The following PCF11 variants were observed in gnomAD, a reference collection of about 807,000 sequenced individuals.
PCF11 encodes pre-mRNA cleavage complex 2 protein Pcf11.
Under a neutral mutation model 166.1 loss-of-function variants are expected in PCF11, and 19 were observed. That is an observed-to-expected ratio of 0.11 (90% CI 0.08 to 0.17). The LOEUF is 0.17. PCF11 is among the 10% of genes least tolerant of loss of function. The pLI is 1.00. For synonymous variants in PCF11, 663 were observed against 644.1 expected, an observed-to-expected ratio of 1.03 and a Z score of -0.44; for missense variants, 1,565 against 1,855.5, an observed-to-expected ratio of 0.84 and a Z score of 2.88.
chr11:83,181,234 T>C, intron 12 of PCF11, 43 bp downstream of exon 12: 1 of 853,486 alleles, frequency 1.2e-6, no homozygotes, highest in Non-Finnish European at 1.7e-6. Flanking sequence ...TAGGCTTAAA[T>C]TATATCATTC....
chr11:83,185,834 T>C (rs1303554642), exon 16 of PCF11: 1 of 152,644 alleles, frequency 6.6e-6, no homozygotes, highest in African/African-American at 2.4e-5. Flanking sequence ...AGCTTTAGAA[T>C]GTGACTTTCT....
exon 16 of PCF11, chr11:83,187,045 T>G (rs990692981): frequency 1.3e-5 from 2 of 152,372 alleles, no homozygotes; most frequent in Non-Finnish European, 1.5e-5. Context: ...TTTTTTTTCT[T>G]TTTTTGAGAC....
At chr11:83,157,720 G>C in intron 1 of PCF11, 89 bp downstream of exon 1, 1 of 1,214,508 alleles carries the variant, frequency 8.2e-7, no homozygotes. Context: ...CCATCCCAAG[G>C]GGGACAGTGT....
chr11:83,164,264 C>T, exon 4 of PCF11: 1 of 1,613,732 alleles, frequency 6.2e-7, no homozygotes, highest in East Asian at 2.2e-5. Flanking sequence ...CTCCACTCCT[C>T]CAATTGTTCC....
chr11:83,165,634 A>T, exon 5 of PCF11: 1 of 1,612,384 alleles, frequency 6.2e-7, no homozygotes. Flanking sequence ...GAAACATCCA[A>T]TTTAGGTCCT....
exon 4 of PCF11, chr11:83,164,252 A>G (rs1314400929): frequency 5.6e-6 from 9 of 1,613,802 alleles, no homozygotes; most frequent in African/African-American, 1.3e-5. Context: ...TTCCCCTAGC[A>G]TCTCCACTCC....
At chr11:83,182,357 TG>T in intron 13 of PCF11, 41 bp from the exon 14 acceptor site, 1 of 991,752 alleles carries the variant, frequency 1.0e-6, no homozygotes, top group Non-Finnish European at 1.6e-6. Context: ...GGGTTAAATA[TG>T]GTCTATTATG....
chr11:83,177,720 G>A lies in PCF11; in HGVS notation c.3884G>A (p.Ser1295Asn), dbSNP rs1860934322. ...TGTCTCTTCTTAATTGAAGAAGTAA[G>A]TGAAGTAACTGCTCAGCCTCCCCCT... is the stretch of plus-strand genomic sequence containing the variant. The change falls in exon 11 of 16, where the codon AGT (serine) becomes AAT (asparagine). Residue 1295 changes from serine (S) to asparagine (N), a missense_variant. Ser to Asn is a conservative substitution (Grantham distance 46). Coordinates refer to ENST00000298281, the Ensembl canonical transcript of PCF11. The A allele has an allele frequency of 5.3e-6, 8 of 1,513,202 alleles. No individual in the cohort carries two copies. The highest frequency in any genetic ancestry group is 4.9e-5 in the East Asian group (2 of 40,626). The allele number at this position is 1,513,202 out of a possible 1,614,324, so 93.7% of individuals were successfully genotyped here. A position where few individuals can be genotyped will look rare whatever the true frequency, so the allele number is the denominator to read the frequency against.
chr11:83,176,641 A>G (rs1860891690), intron 9 of PCF11, among the ~76,000 whole-genome samples: 1 of 151,300 alleles, frequency 6.6e-6, no homozygotes, highest in Non-Finnish European at 1.5e-5. Context: ...AACAATGGGA[A>G]CACTTGGACA....
In PCF11 at chr11:83,186,825, A is replaced by G. The variant is rs1214943104; in HGVS notation, c.*1931A>G. 5 of 152,228 alleles carry G rather than the reference A, an allele frequency of 3.3e-5. No homozygotes were observed. In the East Asian group the frequency reaches 9.6e-4, roughly 29 times the overall value. The allele number at this position is 152,228 out of a possible 1,614,324, so 9.4% of individuals were successfully genotyped here. ...GGTCTGTGAATCCAAAAATGTAGGC[A>G]AAACTTCCTGTTGAACATTTTTCTG... On this transcript the variant is annotated 3_prime_UTR_variant, in exon 16 of 16. Coordinates refer to ENST00000298281, the Ensembl canonical transcript of PCF11.
chr11:83,174,777 G>C (rs1314269042), intron 9 of PCF11, among the ~76,000 whole-genome samples: 1 of 152,194 alleles, frequency 6.6e-6, no homozygotes. Flanking sequence ...AGTTTATGCT[G>C]TTGGTTACTA....
intron 1 of PCF11, among the ~76,000 whole-genome samples, chr11:83,159,524 A>G (rs1225910421): frequency 1.3e-5 from 2 of 152,240 alleles, no homozygotes; most frequent in Non-Finnish European, 2.9e-5. Flanking sequence ...TAGTGACCAC[A>G]TAAAACTTGT....
chr11:83,170,560 C>T (rs1458642787), intron 8 of PCF11, among the ~76,000 whole-genome samples: 1 of 152,128 alleles, frequency 6.6e-6, no homozygotes, highest in East Asian at 1.9e-4. Context: ...CTTCCAAATA[C>T]ACTCTGGTTA....
At chr11:83,176,446 T>G (rs910652446) in intron 9 of PCF11, among the ~76,000 whole-genome samples, 2 of 152,170 alleles carry the variant, frequency 1.3e-5, no homozygotes, top group Non-Finnish European at 2.9e-5. Flanking sequence ...CAAATGTCCA[T>G]CAATGATAGA....
chr11:83,179,294 G>A (rs1176928577), intron 11 of PCF11, among the ~76,000 whole-genome samples: 1 of 151,268 alleles, frequency 6.6e-6, no homozygotes, highest in Non-Finnish European at 1.5e-5. Context: ...CTGTCACCCA[G>A]GCTAGAGTGC....
chr11:83,169,979 T>C, exon 8 of PCF11: 2 of 1,590,312 alleles, frequency 1.3e-6, no homozygotes, highest in East Asian at 2.2e-5. Context: ...GTAGGAAATA[T>C]TCAGGCATCT....
exon 8 of PCF11, chr11:83,168,652 C>T (rs1333323262): frequency 6.2e-7 from 1 of 1,613,870 alleles, no homozygotes; most frequent in Non-Finnish European, 8.5e-7. Flanking sequence ...TTTTGAAGGA[C>T]CCAATAAATT....
At chr11:83,180,775 G>C in intron 11 of PCF11, 1 of 318,536 alleles carries the variant, frequency 3.1e-6, no homozygotes, top group Non-Finnish European at 5.8e-6. Context: ...AAATAACTGG[G>C]TCAGGGCTAT....
chr11:83,183,257 T>C (rs910814190), intron 15 of PCF11, among the ~76,000 whole-genome samples, 184 bp downstream of exon 15: 31 of 152,188 alleles, frequency 2.0e-4, no homozygotes, highest in Non-Finnish European at 3.7e-4. Flanking sequence ...AATTGACATA[T>C]ATGAATATCA....
Sources: gnomAD v4.1 joint callset for allele counts (sites outside exome capture counted in the v4.1 genomes callset) on GRCh38, gnomAD v4.1.1 for gene constraint, MANE v1.5 for transcripts, NCBI Gene and HGNC (gene_info 2026-07-23, HGNC 2026-07-21) for gene names.